SKAP1: variants seen among roughly 807,000 people sequenced by gnomAD.
SKAP1 encodes src kinase-associated phosphoprotein 1.
A neutral mutation model predicts 58.5 loss-of-function variants in SKAP1; 44 were observed. The ratio of observed to expected loss-of-function variants is 0.75; its 90% CI spans 0.59 to 0.97. SKAP1 has a LOEUF of 0.97. Ranked by LOEUF, SKAP1 falls within the 50% of genes least tolerant of loss-of-function variation. The probability of loss-of-function intolerance (pLI) is 0.00; values close to 1 mark genes in which losing one functional copy is unlikely to be tolerated. For missense variants in SKAP1, 390 were observed against 435.2 expected (o/e 0.90, Z 0.92); for synonymous variants, 127 against 149.7 (o/e 0.85, Z 1.11).
intron 4 of SKAP1, among the ~76,000 whole-genome samples, chr17:48,332,539 C>A (rs1218673293): frequency 1.3e-5 from 2 of 152,126 alleles, no homozygotes; most frequent in Non-Finnish European, 2.9e-5. Flanking sequence ...GGATTTTTAA[C>A]CACAAGGATT....
chr17:48,269,843 C>T (rs1000353335), intron 4 of SKAP1, among the ~76,000 whole-genome samples: 4 of 152,092 alleles, frequency 2.6e-5, no homozygotes, highest in African/African-American at 9.7e-5. Flanking sequence ...CTTGTAATCC[C>T]AGCACTTTGG....
chr17:48,379,216 G>GA (rs2067184959), intron 2 of SKAP1, among the ~76,000 whole-genome samples: 1 of 152,152 alleles, frequency 6.6e-6, no homozygotes, highest in Non-Finnish European at 1.5e-5. Context: ...AGACACGACT[G>GA]AATACACATT....
chr17:48,292,476 G>A (rs2065910370), intron 4 of SKAP1, among the ~76,000 whole-genome samples: 1 of 151,584 alleles, frequency 6.6e-6, no homozygotes, highest in African/African-American at 2.4e-5. Context: ...AACACAATAA[G>A]CAACAATAAA....
At chr17:48,371,504 C>G (rs897268565) in intron 2 of SKAP1, among the ~76,000 whole-genome samples, 4 of 151,682 alleles carry the variant, frequency 2.6e-5, no homozygotes, top group Non-Finnish European at 5.9e-5. Context: ...AGACAAACAA[C>G]TGTAGCTATC....
intron 4 of SKAP1, among the ~76,000 whole-genome samples, chr17:48,287,193 G>A (rs1335446044): frequency 6.6e-6 from 1 of 151,948 alleles, no homozygotes; most frequent in Non-Finnish European, 1.5e-5. Context: ...GGCAAATTGT[G>A]CCAGTGCCAC....
intron 1 of SKAP1, among the ~76,000 whole-genome samples, chr17:48,402,333 A>AT (rs71366872): frequency 0.038 from 5,568 of 146,918 alleles, 290 homozygotes; most frequent in African/African-American, 0.11. Context: ...TCATAGCAGC[A>AT]TTTTTTTTTT....
intron 2 of SKAP1, 89 bp from the exon 3 acceptor site, chr17:48,363,903 CA>C: frequency 1.9e-6 from 2 of 1,027,604 alleles, no homozygotes; most frequent in Non-Finnish European, 2.8e-6. Flanking sequence ...GCACCTGGTC[CA>C]AAAAGCTTGC....
At chr17:48,399,306 GA>G (rs368728403) in intron 1 of SKAP1, among the ~76,000 whole-genome samples, 38 of 151,980 alleles carry the variant, frequency 2.5e-4, no homozygotes, top group Non-Finnish European at 2.2e-4. Context: ...TAGAATAAAG[GA>G]AAAAAACCAC....
chr17:48,218,544 C>G (rs2064967076), intron 4 of SKAP1, among the ~76,000 whole-genome samples: 1 of 152,164 alleles, frequency 6.6e-6, no homozygotes, highest in African/African-American at 2.4e-5. Flanking sequence ...CTTGGTTGTT[C>G]TAGTGAATTC....
At chr17:48,177,905 T>C (rs1359477624) in intron 9 of SKAP1, among the ~76,000 whole-genome samples, 1 of 152,170 alleles carries the variant, frequency 6.6e-6, no homozygotes, top group Non-Finnish European at 1.5e-5. Flanking sequence ...TTCCCTAACC[T>C]GCAGAAAGAG....
At chr17:48,157,003 G>A (rs912490486) in intron 11 of SKAP1, among the ~76,000 whole-genome samples, 1 of 152,166 alleles carries the variant, frequency 6.6e-6, no homozygotes, top group African/African-American at 2.4e-5. Flanking sequence ...AAAAGGGAAG[G>A]AAATATTCCT....
intron 4 of SKAP1, among the ~76,000 whole-genome samples, chr17:48,289,941 T>C (rs755489844): frequency 6.6e-6 from 1 of 152,276 alleles, no homozygotes; most frequent in South Asian, 2.1e-4. Flanking sequence ...AAACTACATC[T>C]GCTGAAGAAC....
intron 11 of SKAP1, among the ~76,000 whole-genome samples, chr17:48,148,508 G>A (rs1336617000): frequency 1.3e-5 from 2 of 152,210 alleles, no homozygotes; most frequent in Non-Finnish European, 2.9e-5. Flanking sequence ...GCACCGCTCT[G>A]TTTTGCTCTG....
chr17:48,416,963 A>C (rs932826724), intron 1 of SKAP1, among the ~76,000 whole-genome samples: 1 of 152,236 alleles, frequency 6.6e-6, no homozygotes, highest in African/African-American at 2.4e-5. Flanking sequence ...CAATTACATA[A>C]AAGTACCATA....
chr17:48,384,763 C>T (rs2067255917), intron 2 of SKAP1, among the ~76,000 whole-genome samples: 1 of 152,164 alleles, frequency 6.6e-6, no homozygotes. Context: ...AGTAGGCATC[C>T]AGCAGGGTAT....
chr17:48,166,794 T>C (rs2064146707), intron 10 of SKAP1, among the ~76,000 whole-genome samples: 1 of 152,138 alleles, frequency 6.6e-6, no homozygotes, highest in African/African-American at 2.4e-5. Flanking sequence ...TGGAAGTGAC[T>C]TGAAATGTTC....
chr17:48,267,914 C>A (rs921237367), intron 4 of SKAP1, among the ~76,000 whole-genome samples: 4 of 152,092 alleles, frequency 2.6e-5, no homozygotes, highest in African/African-American at 7.2e-5. Context: ...CTTATAGGTA[C>A]CTTTACATTA....
chr17:48,279,088 C>A (rs2065736642), intron 4 of SKAP1, among the ~76,000 whole-genome samples: 1 of 152,180 alleles, frequency 6.6e-6, no homozygotes. Context: ...TCAACTGAAG[C>A]AACTATCCTG....
the SKAP1 span, among the ~76,000 whole-genome samples, chr17:48,443,039 T>C: frequency 1.3e-5 from 2 of 152,312 alleles, no homozygotes; most frequent in East Asian, 3.9e-4. Context: ...CAATGAGTCA[T>C]ACCCACTCCC....
Sources: gnomAD v4.1 joint callset for allele counts (sites outside exome capture counted in the v4.1 genomes callset) on GRCh38, gnomAD v4.1.1 for gene constraint, MANE v1.5 for transcripts, NCBI Gene and HGNC (gene_info 2026-07-23, HGNC 2026-07-21) for gene names.